SRPK1: variants seen among roughly 807,000 people sequenced by gnomAD.
The protein encoded by SRPK1 is SRSF protein kinase 1, also known as SFRS protein kinase 1.
SRPK1 carries 52 observed loss-of-function variants against 89.5 expected under a neutral mutation model. That is an observed-to-expected ratio of 0.58 (90% CI 0.46 to 0.73). The LOEUF is 0.73. Ranked by LOEUF, SRPK1 falls within the 30% of genes least tolerant of loss-of-function variation. SRPK1 has a pLI of 0.00. For missense variants in SRPK1, 603 were observed against 780.6 expected (o/e 0.77, Z 2.71); for synonymous variants, 255 against 270.2 (o/e 0.94, Z 0.55).
chr6:35,853,928 T>C (rs1190800051), intron 13 of SRPK1, among the ~76,000 whole-genome samples: 1 of 151,854 alleles, frequency 6.6e-6, no homozygotes, highest in African/African-American at 2.4e-5. Context: ...GTTGTGTTCT[T>C]CACAAATATT....
intron 2 of SRPK1, among the ~76,000 whole-genome samples, chr6:35,895,230 T>A (rs1280534784): frequency 6.6e-6 from 1 of 152,204 alleles, no homozygotes; most frequent in Admixed American, 6.5e-5. Context: ...GATTATTGAT[T>A]TTCTACTTCA....
chr6:35,889,332 C>T (rs1349287955), intron 3 of SRPK1, among the ~76,000 whole-genome samples: 1 of 150,514 alleles, frequency 6.6e-6, no homozygotes, highest in African/African-American at 2.4e-5. Context: ...AGTAAGCAAA[C>T]GGGATTTTCT....
At chr6:35,908,333 T>C (rs1388350978) in intron 2 of SRPK1, among the ~76,000 whole-genome samples, 1 of 152,154 alleles carries the variant, frequency 6.6e-6, no homozygotes, top group Non-Finnish European at 1.5e-5. Flanking sequence ...AAAATGCTGA[T>C]AGTGAGGTGA....
chr6:35,912,951 CT>C (rs1254327627), intron 2 of SRPK1, among the ~76,000 whole-genome samples: 2 of 152,202 alleles, frequency 1.3e-5, no homozygotes, highest in Non-Finnish European at 2.9e-5. Context: ...ACCCAGCTAA[CT>C]TTTGTGTTTT....
intron 15 of SRPK1, among the ~76,000 whole-genome samples, chr6:35,836,325 A>G (rs1769179658): frequency 6.6e-6 from 1 of 151,934 alleles, no homozygotes; most frequent in African/African-American, 2.4e-5. Flanking sequence ...CTTCCACAAA[A>G]CCAGTCCCTG....
chr6:35,919,898 C>T (rs561175972), intron 2 of SRPK1, among the ~76,000 whole-genome samples: 66 of 152,344 alleles, frequency 4.3e-4, no homozygotes, highest in Non-Finnish European at 2.5e-4. Context: ...ACTGTATACA[C>T]AGCGGTCTGC....
intron 5 of SRPK1, 96 bp from the exon 6 acceptor site, chr6:35,886,907 A>G: frequency 1.5e-6 from 1 of 678,908 alleles, no homozygotes; most frequent in Non-Finnish European, 2.6e-6. Flanking sequence ...AACTACAAGA[A>G]AGAGCTCACA....
At chr6:35,901,776 T>C (rs1193202361) in intron 2 of SRPK1, among the ~76,000 whole-genome samples, 1 of 152,006 alleles carries the variant, frequency 6.6e-6, no homozygotes, top group African/African-American at 2.4e-5. Context: ...TTTCCATATA[T>C]ATTTTTCCTG....
At chr6:35,872,449 A>T in intron 8 of SRPK1, 114 bp downstream of exon 8, 1 of 998,430 alleles carries the variant, frequency 1.0e-6, no homozygotes, top group Non-Finnish European at 1.4e-6. Flanking sequence ...AATGTTTCTT[A>T]AATATGTTAT....
chr6:35,913,947 C>G (rs934918484), intron 2 of SRPK1, among the ~76,000 whole-genome samples: 1 of 149,020 alleles, frequency 6.7e-6, no homozygotes, highest in East Asian at 1.9e-4. Flanking sequence ...AAAAGTCTGC[C>G]GCACAACAAA....
intron 13 of SRPK1, among the ~76,000 whole-genome samples, chr6:35,845,369 A>C (rs188370315): frequency 6.6e-6 from 1 of 152,298 alleles, no homozygotes; most frequent in Non-Finnish European, 1.5e-5. Context: ...TATAAAACTT[A>C]TTTGTACTTT....
At chr6:35,840,380 T>G (rs1408513712) in intron 14 of SRPK1, among the ~76,000 whole-genome samples, 2 of 152,340 alleles carry the variant, frequency 1.3e-5, no homozygotes, top group South Asian at 2.1e-4. Flanking sequence ...AGTACCTGCA[T>G]GCCAAGAATT....
chr6:35,896,614 T>C (rs1770630908), intron 2 of SRPK1, among the ~76,000 whole-genome samples: 1 of 152,220 alleles, frequency 6.6e-6, no homozygotes, highest in African/African-American at 2.4e-5. Context: ...TGAAAACATG[T>C]ATCCACACAC....
In SRPK1 at chr6:35,855,540, T is replaced by C. The variant is rs187493019; in HGVS notation, c.1620+1721A>G. ...TGTTACTTGAAATGAGAGCATAATA[T>C]GTTTCTGTTTATTCATTAGGTAGTA... On this transcript the variant is annotated intron_variant, in intron 13 of 15. Coordinates refer to ENST00000373825, the MANE Select transcript of SRPK1 (RefSeq NM_003137.5). 1.5e-3 allele frequency among the ~76,000 whole-genome samples: 221 copies of C among 152,308 alleles called. 1 individual carries two copies. Among genetic ancestry groups the C allele is most frequent in the South Asian group, 3.7e-3 (18 of 4,822 alleles).
chr6:35,892,698 C>CACAGA (rs1770549253), intron 2 of SRPK1, among the ~76,000 whole-genome samples: 1 of 149,794 alleles, frequency 6.7e-6, no homozygotes, highest in Non-Finnish European at 1.5e-5. Context: ...ACGACAACAA[C>CACAGA]ACAAAACAAA....
chr6:35,915,993 T>TAC (rs1258746791), intron 2 of SRPK1, among the ~76,000 whole-genome samples: 1 of 51,210 alleles, frequency 2.0e-5, no homozygotes, highest in Non-Finnish European at 3.8e-5. Flanking sequence ...AAAAAAAAAA[T>TAC]ATATACACAC....
rs919565817 is a variant in SRPK1 at position 35,869,772 on chromosome 6, A to C, written c.1121T>G (p.Leu374Trp). 5 of 1,613,870 alleles carry C rather than the reference A, an allele frequency of 3.1e-6. No individual in the cohort carries two copies. The highest frequency in any genetic ancestry group is 3.3e-5 in the Admixed American group (2 of 60,004). Reference sequence around the variant, plus strand: ...ATTATGTAGATCCTCTTTATGTCTCAATGTTTCATTATTACTGTTCTGAGT... The same window carrying C: ...ATTATGTAGATCCTCTTTATGTCTCCATGTTTCATTATTACTGTTCTGAGT... ...NYTQNSNNET[L>W]RHKEDLHNAN... The change falls in exon 11 of 16, where the codon TTG (leucine) becomes TGG (tryptophan). Residue 374 changes from leucine (L) to tryptophan (W), a missense_variant. By Grantham distance (61) the Leu-to-Trp change is moderately conservative. Transcript: ENST00000373825.
intron 13 of SRPK1, 82 bp from the exon 14 acceptor site, chr6:35,842,686 G>T: frequency 9.1e-6 from 8 of 877,214 alleles, no homozygotes; most frequent in Middle Eastern, 2.5e-4. Flanking sequence ...GGCTCAATAT[G>T]AAGTAACTCT....
chr6:35,867,380 T>C (rs760238371), intron 12 of SRPK1, among the ~76,000 whole-genome samples: 38 of 152,210 alleles, frequency 2.5e-4, no homozygotes, highest in Non-Finnish European at 4.1e-4. Context: ...TTCTAAAAGG[T>C]TATCACAATA....
Sources: gnomAD v4.1 joint callset for allele counts (sites outside exome capture counted in the v4.1 genomes callset) on GRCh38, gnomAD v4.1.1 for gene constraint, MANE v1.5 for transcripts, NCBI Gene and HGNC (gene_info 2026-07-23, HGNC 2026-07-21) for gene names.